The following PTPRN2 variants were observed in gnomAD, a reference collection of about 807,000 sequenced individuals.
PTPRN2 encodes receptor-type tyrosine-protein phosphatase N2.
PTPRN2 carries 74 observed loss-of-function variants against 118.8 expected under a neutral mutation model. The observed-to-expected ratio is 0.62, with a 90% CI of 0.52 to 0.76. The LOEUF is 0.76. Ranked by LOEUF, PTPRN2 falls within the 30% of genes least tolerant of loss-of-function variation. The pLI is 0.00. For missense variants in PTPRN2, 1,481 were observed against 1,394.4 expected (o/e 1.06, Z -0.99); for synonymous variants, 641 against 608.0 (o/e 1.05, Z -0.80).
rs781360021 is a variant in PTPRN2 at position 158,316,942 on chromosome 7, G to C, written c.164-10C>G. On this transcript the variant is annotated splice_polypyrimidine_tract_variant and intron_variant, in intron 2 of 22. Transcript: ENST00000389418. ...CTTCCAAACACTCCATCTGTGAGAA[G>C]GGAAGGAGATAAGACAGAACGAGAC... 1 of 1,593,896 alleles carries C rather than the reference G, an allele frequency of 6.3e-7. No individual in the cohort carries two copies. Among genetic ancestry groups the C allele is most frequent in the South Asian group, 1.1e-5 (1 of 90,144 alleles).
intron 12 of PTPRN2, among the ~76,000 whole-genome samples, chr7:157,789,976 GGTGT>G (rs751218943): frequency 1.4e-5 from 2 of 148,068 alleles, no homozygotes; most frequent in Non-Finnish European, 3.0e-5. Flanking sequence ...TGCGTATGGT[GGTGT>G]GTGTGTGGTG....
At position 157,622,063 on chromosome 7, in the gene PTPRN2, C is replaced by G. The variant is rs1470026284; in HGVS notation, c.2197-554G>C. On this transcript the variant is annotated intron_variant, in intron 14 of 22. Coordinates refer to ENST00000389418, the MANE Select transcript of PTPRN2 (RefSeq NM_002847.5). The surrounding 1 kb of genome is among the most constrained non-coding windows in gnomAD (Gnocchi z 5.3). ...TTCTGGTGCTTGTCGTTGAGCATTA[C>G]TATGAGTAGACAAGGAAACAAAGGC... Among the ~76,000 whole-genome samples, 2 of 152,204 alleles carry G rather than the reference C, an allele frequency of 1.3e-5. No homozygotes were observed. The highest frequency in any genetic ancestry group is 3.9e-4 in the East Asian group (2 of 5,172).
intron 13 of PTPRN2, among the ~76,000 whole-genome samples, chr7:157,665,633 G>A (rs1796099731): frequency 1.6e-5 from 2 of 127,318 alleles, no homozygotes; most frequent in South Asian, 2.4e-4. Flanking sequence ...CAATATATAT[G>A]TGAACTAAGA....
At position 157,844,375 on chromosome 7, in the gene PTPRN2, C is replaced by T. The variant is rs115248442; in HGVS notation, c.1788+54298G>A. Among the ~76,000 whole-genome samples the T allele has an allele frequency of 3.0e-3, 452 of 152,338 alleles. 5 individuals carry two copies. The South Asian group carries it at 0.034, about 12-fold the overall frequency. ...CTCCAGGCAGCTGAAGGCCTGGGCA[C>T]AGCTAGCGAGGCCACTGGCATGTGG... On this transcript the variant is annotated intron_variant, in intron 12 of 22. Transcript: ENST00000389418.
chr7:158,405,981 G>T (rs1362192203), intron 2 of PTPRN2, among the ~76,000 whole-genome samples: 1 of 149,310 alleles, frequency 6.7e-6, no homozygotes, highest in Non-Finnish European at 1.5e-5. Context: ...CGCACACTGA[G>T]ATCCCGCAGT....
intron 12 of PTPRN2, among the ~76,000 whole-genome samples, chr7:157,718,268 TAGA>T (rs1217522549): frequency 6.6e-6 from 1 of 152,258 alleles, no homozygotes; most frequent in Non-Finnish European, 1.5e-5. Flanking sequence ...TAATGACTTG[TAGA>T]AGGAGAGGCT....
chr7:157,992,159 T>C (rs749150809), intron 11 of PTPRN2, among the ~76,000 whole-genome samples: 33 of 152,226 alleles, frequency 2.2e-4, no homozygotes, highest in Non-Finnish European at 4.0e-4. Context: ...ATCTAATACA[T>C]GGAAAATTGT....
chr7:158,221,347 A>G (rs992478426), intron 3 of PTPRN2, among the ~76,000 whole-genome samples: 4 of 147,108 alleles, frequency 2.7e-5, no homozygotes, highest in Non-Finnish European at 6.0e-5. Context: ...CAACTGCAAG[A>G]AAAAAAAAAA....
intron 2 of PTPRN2, among the ~76,000 whole-genome samples, chr7:158,476,970 T>G (rs1170284758): frequency 1.3e-5 from 2 of 152,242 alleles, no homozygotes; most frequent in African/African-American, 4.8e-5. Context: ...GTCACTAATC[T>G]GAAGTCTCAA....
At chr7:158,078,619 C>A (rs1051457838) in intron 11 of PTPRN2, among the ~76,000 whole-genome samples, 2 of 152,234 alleles carry the variant, frequency 1.3e-5, no homozygotes, top group Admixed American at 6.5e-5. Flanking sequence ...TAAGCACTCT[C>A]CCAAGGCCAA....
chr7:157,816,221 T>C (rs1438728170), intron 12 of PTPRN2, among the ~76,000 whole-genome samples: 1 of 152,146 alleles, frequency 6.6e-6, no homozygotes, highest in Non-Finnish European at 1.5e-5. Context: ...TGCTCTGAGG[T>C]GGAGACCAGC....
At chr7:157,952,368 T>G (rs1585076501) in intron 11 of PTPRN2, among the ~76,000 whole-genome samples, 3 of 60,470 alleles carry the variant, frequency 5.0e-5, no homozygotes, top group African/African-American at 7.0e-5. Context: ...CAGGCGAGGG[T>G]GGGACAGGCA....
rs551400245 is a variant in PTPRN2 at position 158,269,847 on chromosome 7, G to A, written c.277+46972C>T. ...AAAGAGACAGAGGGATAGGGAGTCGGAGACACAGAGACAGAGAGAGACAGA... is the reference window on the plus strand; with the variant it reads ...AAAGAGACAGAGGGATAGGGAGTCGAAGACACAGAGACAGAGAGAGACAGA... On this transcript the variant is annotated intron_variant, in intron 3 of 22. Coordinates refer to ENST00000389418, the MANE Select transcript of PTPRN2 (RefSeq NM_002847.5). Among the ~76,000 whole-genome samples the A allele has an allele frequency of 5.9e-5, 9 of 151,656 alleles. No individual in the cohort carries two copies. The South Asian group carries it at 1.0e-3, about 18-fold the overall frequency.
At chr7:158,232,104 A>G (rs550341510) in intron 3 of PTPRN2, among the ~76,000 whole-genome samples, 2 of 152,302 alleles carry the variant, frequency 1.3e-5, no homozygotes, top group South Asian at 4.1e-4. Flanking sequence ...AAGGAAAGAA[A>G]TAATACAAAT....
chr7:157,932,733 C>T (rs73517095), intron 11 of PTPRN2, among the ~76,000 whole-genome samples: 2,279 of 145,798 alleles, frequency 0.016, 59 homozygotes, highest in African/African-American at 0.05. Flanking sequence ...GTGAGTCACT[C>T]GGACAGTTTT....
At chr7:158,115,056 T>A (rs10248317) in intron 9 of PTPRN2, among the ~76,000 whole-genome samples, 53,360 of 152,036 alleles carry the variant, frequency 0.35, 9,671 homozygotes, top group Middle Eastern at 0.45. Context: ...GGTCCCAGCT[T>A]CTCAGAAGGC....
chr7:158,482,228 A>T (rs534681127), intron 2 of PTPRN2, among the ~76,000 whole-genome samples: 1 of 152,362 alleles, frequency 6.6e-6, no homozygotes, highest in East Asian at 1.9e-4. Context: ...ACATCAACTT[A>T]TTTGATAAGG....
At chr7:157,659,144 G>A (rs1795752596) in intron 13 of PTPRN2, among the ~76,000 whole-genome samples, 1 of 151,774 alleles carries the variant, frequency 6.6e-6, no homozygotes, top group Admixed American at 6.6e-5. Context: ...TCTGGGATGA[G>A]CAATTCATGC....
In PTPRN2 at chr7:158,281,590, C is replaced by T. The variant is rs144146687; in HGVS notation, c.277+35229G>A. On this transcript the variant is annotated intron_variant, in intron 3 of 22. Coordinates refer to ENST00000389418, the MANE Select transcript of PTPRN2 (RefSeq NM_002847.5). Reference sequence around the variant, plus strand: ...TGGAAATGCTCGGGTGTGTGGTGTGCGTGGTGCCCTGCGCATTTGTGCTGG... The same window carrying T: ...TGGAAATGCTCGGGTGTGTGGTGTGTGTGGTGCCCTGCGCATTTGTGCTGG... 4.6e-5 allele frequency among the ~76,000 whole-genome samples: 7 copies of T among 152,320 alleles called. No individual in the cohort carries two copies. In the East Asian group the frequency reaches 7.7e-4, roughly 17 times the overall value.
Sources: allele counts gnomAD v4.1 joint callset (sites outside exome capture counted in the v4.1 genomes callset), GRCh38; gene constraint gnomAD v4.1.1; non-coding constraint Gnocchi (gnomAD v3.1); transcripts MANE v1.5; gene names NCBI Gene and HGNC (gene_info 2026-07-23, HGNC 2026-07-21).